PYY: variants seen among roughly 807,000 people sequenced by gnomAD.
PYY encodes the protein peptide YY.
PYY carries 12 observed loss-of-function variants against 10.3 expected under a neutral mutation model. That is an observed-to-expected ratio of 1.17 (90% CI 0.75 to 1.89). The LOEUF (loss-of-function observed/expected upper bound fraction) is 1.89, where lower values mean the gene tolerates loss of function less well. Among genes scored for constraint, PYY ranks in the 40% most tolerant of loss-of-function variants. The pLI, the probability that PYY is intolerant of heterozygous loss-of-function variation, is 0.00. For missense variants in PYY, 141 were observed against 134.0 expected, an observed-to-expected ratio of 1.05 and a Z score of -0.26; for synonymous variants, 66 against 62.0, an observed-to-expected ratio of 1.06 and a Z score of -0.30.
intron 1 of PYY, among the ~76,000 whole-genome samples, chr17:43,989,561 G>A (rs923493078): frequency 6.6e-6 from 1 of 151,914 alleles, no homozygotes; most frequent in Non-Finnish European, 1.5e-5. Flanking sequence ...TGTGTGTGAA[G>A]CAGTTTTGAT....
At chr17:43,989,331 G>A (rs1407407870) in intron 1 of PYY, among the ~76,000 whole-genome samples, 2 of 149,830 alleles carry the variant, frequency 1.3e-5, no homozygotes, top group East Asian at 2.0e-4. Flanking sequence ...CTGAGATCAT[G>A]CCACTGCACT....
intron 1 of PYY, among the ~76,000 whole-genome samples, chr17:43,985,835 G>A (rs550942330): frequency 1.3e-5 from 2 of 152,008 alleles, no homozygotes; most frequent in South Asian, 2.1e-4. Flanking sequence ...TAAATGACAT[G>A]GAAATATTTA....
chr17:43,998,075 A>G (rs1190176780), intron 1 of PYY, among the ~76,000 whole-genome samples: 3 of 151,994 alleles, frequency 2.0e-5, no homozygotes, highest in Admixed American at 6.6e-5. Flanking sequence ...AGAAGCTGGG[A>G]TTACAGATGC....
chr17:43,998,340 A>T (rs1230259187), intron 1 of PYY, among the ~76,000 whole-genome samples: 1 of 151,588 alleles, frequency 6.6e-6, no homozygotes, highest in Non-Finnish European at 1.5e-5. Flanking sequence ...GGCGGATTTC[A>T]TGGGCTCAAG....
Position 43,953,552 on chromosome 17 carries a change from C to T in PYY, c.1-69G>A. On this transcript the variant is annotated intron_variant, in intron 1 of 3. Coordinates refer to ENST00000692052, the MANE Select transcript of PYY (RefSeq NM_001394028.1). Reference sequence around the variant, plus strand: ...CCTACACGGCGGGAGGCTGCGGCTGCCGTCGGGGCCGCGCTCCGACGCTCT... The same window carrying T: ...CCTACACGGCGGGAGGCTGCGGCTGTCGTCGGGGCCGCGCTCCGACGCTCT... 4 of 1,396,674 alleles carry T rather than the reference C, an allele frequency of 2.9e-6. No individual in the cohort carries two copies. The South Asian group carries it at 4.4e-5, about 15-fold the overall frequency. 86.5% of individuals were successfully genotyped at this position (1,396,674 alleles called of 1,614,324 possible). A position where few individuals can be genotyped will look rare whatever the true frequency, so the allele number is the denominator to read the frequency against.
intron 1 of PYY, among the ~76,000 whole-genome samples, chr17:43,998,524 C>T (rs894549426): frequency 2.6e-5 from 4 of 151,958 alleles, no homozygotes; most frequent in Non-Finnish European, 5.9e-5. Context: ...AGCCACTGCA[C>T]TTCAATCTGG....
chr17:43,967,161 G>A (rs11868985), intron 1 of PYY, among the ~76,000 whole-genome samples: 35 of 152,100 alleles, frequency 2.3e-4, no homozygotes, highest in Non-Finnish European at 3.8e-4. Context: ...AAATTAGCTG[G>A]GCGTGGTGGC....
At chr17:43,997,769 C>T (rs78314058) in intron 1 of PYY, among the ~76,000 whole-genome samples, 1,638 of 152,174 alleles carry the variant, frequency 0.011, 29 homozygotes, top group African/African-American at 0.038. Flanking sequence ...CTATATCCCC[C>T]GCCCGCGTTC....
At chr17:43,982,874 C>G (rs1447604235) in intron 1 of PYY, among the ~76,000 whole-genome samples, 1 of 152,092 alleles carries the variant, frequency 6.6e-6, no homozygotes, top group Non-Finnish European at 1.5e-5. Flanking sequence ...AAGGGGTGTT[C>G]TAAGGAGAAG....
At chr17:44,001,853 G>C (rs1319255639) in intron 1 of PYY, among the ~76,000 whole-genome samples, 1 of 152,214 alleles carries the variant, frequency 6.6e-6, no homozygotes, top group African/African-American at 2.4e-5. Context: ...TGAGTGGAGA[G>C]GGGTCAGCAG....
chr17:43,989,164 G>A (rs867649906), intron 1 of PYY, among the ~76,000 whole-genome samples: 106 of 152,072 alleles, frequency 7.0e-4, no homozygotes, highest in Middle Eastern at 6.8e-3. Flanking sequence ...CACGAGGTCA[G>A]GAGATCAAGA....
intron 2 of PYY, among the ~76,000 whole-genome samples, chr17:43,960,188 C>A (rs966152275): frequency 3.9e-5 from 6 of 152,166 alleles, no homozygotes; most frequent in Admixed American, 2.6e-4. Flanking sequence ...TGCCTCTGAT[C>A]TACAAGGAGC....
At chr17:43,967,565 C>G (rs945500326) in intron 1 of PYY, among the ~76,000 whole-genome samples, 1 of 152,144 alleles carries the variant, frequency 6.6e-6, no homozygotes, top group African/African-American at 2.4e-5. Context: ...CTAAGGGCCT[C>G]AGTTTTGTCA....
rs550157209 is a variant in PYY, at chr17:44,003,038, T to G, written c.-463+1353A>C. On this transcript the variant is annotated intron_variant, in intron 1 of 6. Transcript: ENST00000360085. ...ATTCTTTTTTAATTTTGATTTTAAT[T>G]TTAATTTTAATTTTTTTGAGACAGG... Among the ~76,000 whole-genome samples the G allele has an allele frequency of 9.2e-5, 14 of 152,292 alleles. No individual in the cohort carries two copies. In the East Asian group the frequency reaches 2.7e-3, roughly 29 times the overall value.
chr17:43,995,206 CACCCTTAGGATATTTTCCTGA>C (rs939741230), intron 1 of PYY, among the ~76,000 whole-genome samples: 9 of 152,230 alleles, frequency 5.9e-5, no homozygotes, highest in Non-Finnish European at 8.8e-5. Flanking sequence ...GCTCGATATT[CACCCTTAGGATATTTTCCTGA>C]ACCCCGATAC....
intron 2 of PYY, among the ~76,000 whole-genome samples, chr17:43,965,659 G>C (rs2048749792): frequency 6.6e-6 from 1 of 150,576 alleles, no homozygotes; most frequent in Non-Finnish European, 1.5e-5. Flanking sequence ...ATGGTGGTGT[G>C]TGCCTGTAAT....
chr17:43,975,723 AAAAT>A lies in PYY; in HGVS notation c.-462-9195_-462-9192del, dbSNP rs1364162669. Reference sequence around the variant, plus strand: ...GACAGGAGTAAGACCCTGAAAAAAAAAAATATATATATATATATATATACACACA... The same window carrying A: ...GACAGGAGTAAGACCCTGAAAAAAAAATATATATATATATATATACACACA... On this transcript the variant is annotated intron_variant, in intron 1 of 6. Coordinates refer to the PYY transcript ENST00000360085. 1.3e-3 allele frequency among the ~76,000 whole-genome samples: 147 copies of A among 115,218 alleles called. 17 individuals are homozygous for A. The highest frequency in any genetic ancestry group is 6.2e-3 in the African/African-American group (138 of 22,274). 75.6% of individuals were successfully genotyped at this position (115,218 alleles called of 152,430 possible). A position where few individuals can be genotyped will look rare whatever the true frequency, so the allele number is the denominator to read the frequency against.
In PYY at chr17:43,953,300, G is replaced by A; in HGVS notation, c.184C>T (p.Gln62Ter). 6.2e-7 allele frequency: 1 copy of A among 1,612,162 alleles called. No homozygotes were observed. Among genetic ancestry groups the A allele is most frequent in the Non-Finnish European group, 8.5e-7 (1 of 1,179,106 alleles). Residue 62 changes from glutamine to a stop codon, truncating the protein, a stop_gained, in exon 2 of 4, where the codon CAG becomes TAG. Transcript: ENST00000692052. LOFTEE classifies it high-confidence loss of function. ...LRHYLNLVTR[Q>*]RYGKRDGPDT... ...CCGCTCCGCGCCTGCGCTCACCGCTGCCGGGTGACCAGGTTGAGGTAGTGG... is the reference window on the plus strand; with the variant it reads ...CCGCTCCGCGCCTGCGCTCACCGCTACCGGGTGACCAGGTTGAGGTAGTGG...
At position 43,969,466 on chromosome 17, in the gene PYY, A is replaced by G. The variant is rs1230073431; in HGVS notation, c.-462-2934T>C. The stretch of plus-strand genomic sequence containing the variant: ...CAGGAGCAGAGGTTGCAGTAAGCCA[A>G]GATCTCACTACTGCACTCCAGCCTG... On this transcript the variant is annotated intron_variant, in intron 1 of 6. Transcript: ENST00000360085. Among the ~76,000 whole-genome samples the G allele has an allele frequency of 4.0e-5, 6 of 149,916 alleles. No homozygotes were observed. In the Admixed American group the frequency reaches 4.0e-4, roughly 10 times the overall value.
Sources: gnomAD v4.1 joint callset for allele counts (sites outside exome capture counted in the v4.1 genomes callset) on GRCh38, gnomAD v4.1.1 for gene constraint, MANE v1.5 for transcripts, NCBI Gene and HGNC (gene_info 2026-07-23, HGNC 2026-07-21) for gene names.